The following PEX11G variants were observed in gnomAD, a reference collection of about 807,000 sequenced individuals.
PEX11G encodes the protein peroxisomal membrane protein 11C.
In PEX11G, 20 loss-of-function variants were observed where a neutral mutation model predicts 22.5. That is an observed-to-expected ratio of 0.89 (90% CI 0.62 to 1.29). PEX11G has a LOEUF of 1.29. Ranked by LOEUF, PEX11G falls within the 50% of genes most tolerant of loss-of-function variation. The pLI is 0.00. For synonymous variants in PEX11G, 141 were observed against 154.5 expected (o/e 0.91, Z 0.65); for missense variants, 347 against 331.3 (o/e 1.05, Z -0.37).
chr19:7,478,471 C>T, intron 3 of PEX11G, 95 bp from the exon 4 acceptor site: 4 of 1,327,580 alleles, frequency 3.0e-6, no homozygotes, highest in Non-Finnish European at 4.2e-6. Context: ...GGGACAGGTG[C>T]TGCATCTCGG....
At chr19:7,477,507 C>T (rs1977278709) in intron 4 of PEX11G, 71 bp from the exon 5 acceptor site, 11 of 1,257,028 alleles carry the variant, frequency 8.8e-6, no homozygotes, top group Non-Finnish European at 1.1e-5. Flanking sequence ...CCTGAATGCC[C>T]TGTGTGGCCT....
intron 2 of PEX11G, among the ~76,000 whole-genome samples, chr19:7,483,905 G>T (rs1055711211): frequency 2.0e-5 from 3 of 152,148 alleles, no homozygotes; most frequent in African/African-American, 7.2e-5. Flanking sequence ...CCTGTGGGAC[G>T]CCGCAGGGAC....
rs553832106 is a variant in PEX11G at position 7,477,126 on chromosome 19, C to G, written c.*76G>C. 6.7e-6 allele frequency: 9 copies of G among 1,333,410 alleles called. No homozygotes were observed. In the South Asian group the frequency reaches 1.2e-4, roughly 17 times the overall value. 82.6% of individuals were successfully genotyped at this position (1,333,410 alleles called of 1,614,324 possible). ...GGCAGCTCCATGAGAGCCCCGGCCC[C>G]TGCCCTGGCGGCTTCTGCTTTGCGG... is the stretch of plus-strand genomic sequence containing the variant. On this transcript the variant is annotated 3_prime_UTR_variant, in exon 5 of 5. Transcript: ENST00000221480.
chr19:7,494,291 C>A (rs1454196429), intron 1 of PEX11G, among the ~76,000 whole-genome samples: 2 of 151,868 alleles, frequency 1.3e-5, no homozygotes. Context: ...ACTCAGGAGT[C>A]TGAGGCACGA....
chr19:7,484,012 T>G (rs952167251), intron 2 of PEX11G, among the ~76,000 whole-genome samples: 4 of 152,170 alleles, frequency 2.6e-5, no homozygotes, highest in African/African-American at 9.7e-5. Context: ...CGAAGCTGCA[T>G]AGCAGAGCAC....
At chr19:7,489,449 A>T, upstream of PEX11G, 1 of 996,068 alleles carries the variant, frequency 1.0e-6, no homozygotes. Context: ...GACTGCTGTA[A>T]TATCACAACA....
At chr19:7,489,118 C>T (rs1488946618), upstream of PEX11G, 14 of 1,296,112 alleles carry the variant, frequency 1.1e-5, no homozygotes, top group South Asian at 2.3e-4. Flanking sequence ...CGGCCGCAGG[C>T]CTTTGTCCCC....
intron 1 of PEX11G, among the ~76,000 whole-genome samples, chr19:7,486,809 C>A (rs1201525432): frequency 6.6e-6 from 1 of 151,758 alleles, no homozygotes; most frequent in Non-Finnish European, 1.5e-5. Context: ...CCATTTTAGC[C>A]AGGATGGTCT....
At chr19:7,483,062 C>G (rs369639712) in intron 2 of PEX11G, among the ~76,000 whole-genome samples, 3 of 151,958 alleles carry the variant, frequency 2.0e-5, no homozygotes, top group Non-Finnish European at 4.4e-5. Context: ...CCGGGGGACC[C>G]GCCCCCTTGG....
upstream of PEX11G, chr19:7,489,436 A>G (rs2021825309): frequency 1.0e-6 from 1 of 1,001,698 alleles, no homozygotes; most frequent in African/African-American, 1.7e-5. Flanking sequence ...AGTGAGCAGG[A>G]ATGACTGCTG....
chr19:7,482,982 G>A (rs2145965117), intron 2 of PEX11G, among the ~76,000 whole-genome samples: 1 of 152,314 alleles, frequency 6.6e-6, no homozygotes, highest in African/African-American at 2.4e-5. Context: ...GAGCCAGCGA[G>A]GCAGGACCAG....
At chr19:7,478,208 A>T in intron 4 of PEX11G, 106 bp downstream of exon 4, 1 of 1,240,598 alleles carries the variant, frequency 8.1e-7, no homozygotes, top group Non-Finnish European at 1.1e-6. Flanking sequence ...CCATGACCTG[A>T]GCACAACAGT....
chr19:7,485,864 T>C lies in PEX11G; in HGVS notation c.223A>G (p.Thr75Ala). Residue 75 changes from threonine to alanine, a missense_variant, in exon 2 of 5, where the codon ACT becomes GCT. By Grantham distance (58) the Thr-to-Ala change is moderately conservative (BLOSUM62 0). Transcript: ENST00000221480. ...LFDDLAMFVY[T>A]KQYGLGAQEE... ...TGTGCCCCCAGGCCATATTGCTTAG[T>C]GTAGACAAACATGGCCAGGTCATCA... 2 of 1,611,586 alleles carry C rather than the reference T, an allele frequency of 1.2e-6. No individual in the cohort carries two copies. The highest frequency in any genetic ancestry group is 1.7e-6 in the Non-Finnish European group (2 of 1,177,996).
intron 1 of PEX11G, among the ~76,000 whole-genome samples, chr19:7,494,309 T>C (rs1165577809): frequency 1.3e-5 from 2 of 152,060 alleles, no homozygotes; most frequent in Non-Finnish European, 2.9e-5. Context: ...CGAGAATCGA[T>C]TGAATCCAGG....
At chr19:7,491,189 C>A, upstream of PEX11G, 1 of 152,220 alleles carries the variant, frequency 6.6e-6, no homozygotes. Flanking sequence ...TCACTCAATT[C>A]CTCCCTCCTC....
chr19:7,489,094 C>T (rs1258717216), upstream of PEX11G: 3 of 1,371,356 alleles, frequency 2.2e-6, no homozygotes, highest in East Asian at 3.0e-5. Flanking sequence ...GCCCCAAAGG[C>T]TTGCGCGCAG....
At chr19:7,491,745 T>C (rs1002714050), upstream of PEX11G, among the ~76,000 whole-genome samples, 1 of 152,044 alleles carries the variant, frequency 6.6e-6, no homozygotes, top group Non-Finnish European at 1.5e-5. Context: ...CTTGAACTCC[T>C]GGGCCTGAGA....
upstream of PEX11G, among the ~76,000 whole-genome samples, chr19:7,490,159 C>T (rs535495950): frequency 2.0e-5 from 3 of 151,988 alleles, no homozygotes; most frequent in East Asian, 5.8e-4. Flanking sequence ...CACCCGGCCT[C>T]AATGTCCTTT....
intron 1 of PEX11G, among the ~76,000 whole-genome samples, chr19:7,488,503 T>C (rs1401688145): frequency 6.6e-6 from 1 of 152,092 alleles, no homozygotes; most frequent in East Asian, 1.9e-4. Flanking sequence ...AGAAACTATC[T>C]AAATGTCCAA....
Sources: gnomAD v4.1 joint callset for allele counts (sites outside exome capture counted in the v4.1 genomes callset) on GRCh38, gnomAD v4.1.1 for gene constraint, MANE v1.5 for transcripts, NCBI Gene and HGNC (gene_info 2026-07-23, HGNC 2026-07-21) for gene names.